Variants in DCSTAMP observed in about 807,000 individuals in gnomAD.
DCSTAMP encodes dendritic cell-specific transmembrane protein.
DCSTAMP carries 25 observed loss-of-function variants against 33.8 expected under a neutral mutation model. The ratio of observed to expected loss-of-function variants is 0.74; its 90% CI spans 0.54 to 1.03. DCSTAMP has a LOEUF of 1.03. Among genes scored for constraint, DCSTAMP ranks in the 50% least tolerant of loss-of-function variants. The pLI is 0.00. For synonymous variants in DCSTAMP, 245 were observed against 216.7 expected, an observed-to-expected ratio of 1.13 and a Z score of -1.15; for missense variants, 531 against 556.8, an observed-to-expected ratio of 0.95 and a Z score of 0.47.
chr8:104,356,035 C>T, intron 3 of DCSTAMP, 89 bp from the exon 4 acceptor site: 1 of 1,233,338 alleles, frequency 8.1e-7, no homozygotes, highest in Non-Finnish European at 1.1e-6. Flanking sequence ...TTCCCAACAT[C>T]TTTAACCCCA....
At chr8:104,346,962 T>C (rs868133217) in intron 1 of DCSTAMP, among the ~76,000 whole-genome samples, 1 of 152,252 alleles carries the variant, frequency 6.6e-6, no homozygotes, top group Non-Finnish European at 1.5e-5. Flanking sequence ...ACCCATCCTA[T>C]TTAATGTGAG....
Position 104,350,126 on chromosome 8 carries a change from A to G in DCSTAMP, c.1029+545A>G, listed in dbSNP as rs193266536. ...TCTCTATCTCAAGATCTTTGACTTA[A>G]TAACATTTGCAAAGATCCTTTTTCC... On this transcript the variant is annotated intron_variant, in intron 2 of 3. Transcript: ENST00000297581. Among the ~76,000 whole-genome samples the G allele has an allele frequency of 1.1e-4, 17 of 152,330 alleles. No homozygotes were observed. The East Asian group carries it at 3.1e-3, about 28-fold the overall frequency.
intron 1 of DCSTAMP, among the ~76,000 whole-genome samples, chr8:104,344,137 G>A (rs565862838): frequency 6.6e-6 from 1 of 152,206 alleles, no homozygotes; most frequent in South Asian, 2.1e-4. Flanking sequence ...TAGCCTCTTT[G>A]GATTTTATTT....
rs139266224 is a variant in DCSTAMP at position 104,348,882 on chromosome 8, C to G, written c.330C>G (p.His110Gln). 2.5e-6 allele frequency: 4 copies of G among 1,614,034 alleles called. No individual in the cohort carries two copies. The highest frequency in any genetic ancestry group is 3.4e-6 in the Non-Finnish European group (4 of 1,180,034). The change falls in exon 2 of 4, where the codon CAC becomes CAG. Residue 110 changes from histidine (H) to glutamine (Q), a missense_variant. By Grantham distance (24) the His-to-Gln change is conservative. Coordinates refer to ENST00000297581, the MANE Select transcript of DCSTAMP (RefSeq NM_030788.4). The stretch of plus-strand genomic sequence containing the variant: ...GCACAGGGATCGTCATCTTGGGACA[C>G]GTAGAAAATATTTTTCACAACTTTA... ...AAGTGIVILG[H>Q]VENIFHNFKG...
Position 104,354,948 on chromosome 8 carries a change from A to G in DCSTAMP, c.1101A>G (p.Pro367=), listed in dbSNP as rs1477781437. The G allele has an allele frequency of 1.2e-6, 2 of 1,613,684 alleles. No homozygotes were observed. The highest frequency in any genetic ancestry group is 2.2e-5 in the South Asian group (2 of 91,064). Residue 367 remains proline, a synonymous_variant, in exon 3 of 4, where the codon CCA becomes CCG. Transcript: ENST00000297581. The part of the protein sequence containing the change: ...NISVFEPNCI[P]KPKFLLSETW... ...CTGTGTTTGAACCCAACTGTATCCC[A>G]AAACCAAAATTCCTTCTATCTGAGA... is the stretch of plus-strand genomic sequence containing the variant.
intron 2 of DCSTAMP, among the ~76,000 whole-genome samples, chr8:104,353,415 A>G (rs1298623575): frequency 6.6e-6 from 1 of 152,186 alleles, no homozygotes; most frequent in Non-Finnish European, 1.5e-5. Flanking sequence ...ATCCCCAGTT[A>G]AATTTCTAGA....
intron 1 of DCSTAMP, among the ~76,000 whole-genome samples, chr8:104,341,865 G>A (rs936641593): frequency 1.3e-5 from 2 of 152,202 alleles, no homozygotes; most frequent in African/African-American, 2.4e-5. Flanking sequence ...TGAGATAAAA[G>A]CAAGAGAGTG....
intron 1 of DCSTAMP, among the ~76,000 whole-genome samples, chr8:104,345,872 A>G (rs1361151883): frequency 1.3e-5 from 2 of 152,218 alleles, no homozygotes; most frequent in Non-Finnish European, 2.9e-5. Flanking sequence ...TGCAGGGAAC[A>G]AAAAGTGAGC....
chr8:104,344,266 T>C (rs1436207460), intron 1 of DCSTAMP, among the ~76,000 whole-genome samples: 1 of 152,112 alleles, frequency 6.6e-6, no homozygotes, highest in Non-Finnish European at 1.5e-5. Context: ...TTATTTAATC[T>C]TAATTTAAAT....
chr8:104,342,298 A>G (rs2099383040), intron 1 of DCSTAMP, among the ~76,000 whole-genome samples: 4 of 152,334 alleles, frequency 2.6e-5, no homozygotes, highest in Admixed American at 6.5e-5. Context: ...TGTGAACGTC[A>G]TCTGATGATC....
Position 104,349,525 on chromosome 8 carries a change from A to T in DCSTAMP, c.973A>T (p.Ser325Cys). ...GCTGTATCGGCTCATTTTCTCAGTGAGCAAGCAGTTTCAAAGCTTGCCAGG... is the reference window on the plus strand; with the variant it reads ...GCTGTATCGGCTCATTTTCTCAGTGTGCAAGCAGTTTCAAAGCTTGCCAGG... ...YLLYRLIFSV[S>C]KQFQSLPGFE... The change falls in exon 2 of 4, where the codon AGC becomes TGC. Residue 325 changes from serine (S) to cysteine (C), a missense_variant. By Grantham distance (112) the Ser-to-Cys change is moderately radical (BLOSUM62 -1). Coordinates refer to ENST00000297581, the MANE Select transcript of DCSTAMP (RefSeq NM_030788.4). The T allele has an allele frequency of 6.2e-7, 1 of 1,614,012 alleles. No homozygotes were observed. Among genetic ancestry groups the T allele is most frequent in the South Asian group, 1.1e-5 (1 of 91,014 alleles).
At chr8:104,344,900 G>A (rs1197602634) in intron 1 of DCSTAMP, among the ~76,000 whole-genome samples, 1 of 152,126 alleles carries the variant, frequency 6.6e-6, no homozygotes, top group Non-Finnish European at 1.5e-5. Flanking sequence ...TGGCGTCACC[G>A]TGCCTGGAGG....
intron 1 of DCSTAMP, among the ~76,000 whole-genome samples, chr8:104,344,065 G>C (rs1301553706): frequency 6.6e-6 from 1 of 152,214 alleles, no homozygotes; most frequent in Non-Finnish European, 1.5e-5. Context: ...ATATTAATGT[G>C]ATGGGAAGTG....
chr8:104,353,076 C>G (rs561384933), intron 2 of DCSTAMP, among the ~76,000 whole-genome samples: 3 of 152,164 alleles, frequency 2.0e-5, no homozygotes, highest in Non-Finnish European at 2.9e-5. Flanking sequence ...CGGGAAATGA[C>G]CCAGGTAGAG....
intron 1 of DCSTAMP, among the ~76,000 whole-genome samples, chr8:104,342,274 A>C (rs1197853478): frequency 1.3e-5 from 2 of 152,190 alleles, no homozygotes; most frequent in African/African-American, 4.8e-5. Context: ...GCCAGAGAGG[A>C]GAGAAGAGAG....
intron 3 of DCSTAMP, 134 bp from the exon 4 acceptor site, chr8:104,355,990 A>T (rs1388384392): frequency 1.1e-5 from 8 of 733,524 alleles, no homozygotes; most frequent in African/African-American, 3.6e-5. Context: ...ATAACCCACA[A>T]AAATAAGCTT....
rs148704252 is a variant in DCSTAMP, at chr8:104,349,215, G to A, written c.663G>A (p.Ser221=). ...AGCTACTTGCCTTTGCAGGGCTTTC[G>A]CTCGTCCTGCTTGGCACTGGCCTCT... is the stretch of plus-strand genomic sequence containing the variant. The part of the protein sequence containing the change: ...GQKLLAFAGL[S]LVLLGTGLFM... The change falls in exon 2 of 4, where the codon TCG becomes TCA. Residue 221 remains serine (S), a synonymous_variant. Transcript: ENST00000297581. 1.7e-5 allele frequency: 27 copies of A among 1,614,158 alleles called. No homozygotes were observed. Among genetic ancestry groups the A allele is most frequent in the African/African-American group, 8.0e-5 (6 of 75,044 alleles).
chr8:104,349,623 T>G, intron 2 of DCSTAMP, 42 bp downstream of exon 2: 1 of 1,563,738 alleles, frequency 6.4e-7, no homozygotes, highest in Non-Finnish European at 8.6e-7. Flanking sequence ...CCCGGCTATT[T>G]GCTGGTCTGT....
At chr8:104,341,442 G>A (rs969180502) in intron 1 of DCSTAMP, among the ~76,000 whole-genome samples, 5 of 152,222 alleles carry the variant, frequency 3.3e-5, no homozygotes, top group Non-Finnish European at 7.3e-5. Context: ...GTGGGTGGGG[G>A]CTGTGAGCCC....
Sources: gnomAD v4.1 joint callset for allele counts (sites outside exome capture counted in the v4.1 genomes callset) on GRCh38, gnomAD v4.1.1 for gene constraint, MANE v1.5 for transcripts, NCBI Gene and HGNC (gene_info 2026-07-23, HGNC 2026-07-21) for gene names.